KCNIP3: variants seen among roughly 807,000 people sequenced by gnomAD.
KCNIP3 encodes the protein potassium voltage-gated channel interacting protein 3.
In KCNIP3, 28 loss-of-function variants were observed where a neutral mutation model predicts 35.0. The observed-to-expected ratio is 0.80, with a 90% confidence interval of 0.59 to 1.10. The LOEUF is 1.10. KCNIP3 is among the 50% of genes least tolerant of loss of function. The probability of loss-of-function intolerance (pLI) is 0.00; values close to 1 mark genes in which losing one functional copy is unlikely to be tolerated. For missense variants in KCNIP3, 295 were observed against 338.4 expected (o/e 0.87, Z 1.01); for synonymous variants, 134 against 133.8 (o/e 1.00, Z -0.01).
intron 5 of KCNIP3, among the ~76,000 whole-genome samples, chr2:95,380,064 G>T (rs1558780239): frequency 1.3e-5 from 2 of 152,144 alleles, no homozygotes; most frequent in South Asian, 4.1e-4. Context: ...CCCCTCTGGA[G>T]TGCAACTCTC....
chr2:95,312,336 G>T (rs1678341059), intron 2 of KCNIP3: 1 of 152,380 alleles, frequency 6.6e-6, no homozygotes, highest in Admixed American at 6.5e-5. Flanking sequence ...GGGGAGAAAG[G>T]TGACAGAGGG....
intron 2 of KCNIP3, among the ~76,000 whole-genome samples, chr2:95,363,939 T>A (rs1679859271): frequency 6.6e-6 from 1 of 152,232 alleles, no homozygotes; most frequent in African/African-American, 2.4e-5. Flanking sequence ...ATTCTTTTAG[T>A]CCCTCTGGGG....
At chr2:95,379,935 C>A (rs951032598) in intron 5 of KCNIP3, among the ~76,000 whole-genome samples, 3 of 152,182 alleles carry the variant, frequency 2.0e-5, no homozygotes, top group Admixed American at 2.0e-4. Context: ...TTGTGCCAAG[C>A]CTTGGTGGAC....
chr2:95,311,135 G>T (rs1192753921), intron 2 of KCNIP3: 1 of 159,126 alleles, frequency 6.3e-6, no homozygotes, highest in African/African-American at 2.4e-5. Context: ...GTATAACAGG[G>T]CTGAACAGAC....
intron 2 of KCNIP3, among the ~76,000 whole-genome samples, chr2:95,329,409 G>A (rs1006266986): frequency 1.4e-4 from 22 of 152,246 alleles, no homozygotes; most frequent in African/African-American, 5.1e-4. Context: ...CAGGCCAACA[G>A]GACTGGCATT....
At chr2:95,321,295 A>G (rs977125506) in intron 2 of KCNIP3, among the ~76,000 whole-genome samples, 13 of 152,146 alleles carry the variant, frequency 8.5e-5, no homozygotes, top group Non-Finnish European at 1.5e-4. Flanking sequence ...ACTTCTCTCA[A>G]ACTCAACAGG....
At chr2:95,315,538 C>T (rs1238693522) in intron 2 of KCNIP3, among the ~76,000 whole-genome samples, 1 of 152,178 alleles carries the variant, frequency 6.6e-6, no homozygotes, top group Non-Finnish European at 1.5e-5. Flanking sequence ...CTCCACCTCC[C>T]TGACCCCTGA....
At chr2:95,368,170 G>A (rs532709447) in intron 2 of KCNIP3, among the ~76,000 whole-genome samples, 5 of 152,188 alleles carry the variant, frequency 3.3e-5, no homozygotes, top group African/African-American at 4.8e-5. Context: ...CTACTTCCAT[G>A]CTAAGGATAA....
At position 95,346,944 on chromosome 2, in the gene KCNIP3, G is replaced by T. The variant is rs931763182; in HGVS notation, c.182-27352G>T. 69 of 1,022,322 alleles carry T rather than the reference G, an allele frequency of 6.7e-5. No individual in the cohort carries two copies. The African/African-American group carries it at 1.1e-3, about 16-fold the overall frequency. The allele number at this position is 1,022,322 out of a possible 1,614,324, so 63.3% of individuals were successfully genotyped here. Reference sequence around the variant, plus strand: ...CCCGAGAGGCCGTGCGGGCTGCAGGGGCCCCGGTGCCTCCGAGGCAGCGCG... The same window carrying T: ...CCCGAGAGGCCGTGCGGGCTGCAGGTGCCCCGGTGCCTCCGAGGCAGCGCG... On this transcript the variant is annotated intron_variant, in intron 2 of 8. Coordinates refer to ENST00000295225, the MANE Select transcript of KCNIP3 (RefSeq NM_013434.5).
intron 2 of KCNIP3, among the ~76,000 whole-genome samples, chr2:95,329,992 C>T (rs1573494861): frequency 6.6e-6 from 1 of 152,240 alleles, no homozygotes; most frequent in African/African-American, 2.4e-5. Context: ...ATTTCTGCTG[C>T]AGATCCTGGC....
intron 2 of KCNIP3, among the ~76,000 whole-genome samples, chr2:95,365,460 C>T (rs1303505479): frequency 2.6e-5 from 4 of 152,152 alleles, no homozygotes; most frequent in Non-Finnish European, 5.9e-5. Context: ...CCGCACTTGG[C>T]CCCTTATGTC....
At chr2:95,351,191 G>T (rs1374615093) in intron 2 of KCNIP3, among the ~76,000 whole-genome samples, 1 of 152,274 alleles carries the variant, frequency 6.6e-6, no homozygotes, top group Non-Finnish European at 1.5e-5. Context: ...CCCTGGCCAG[G>T]GGTGGACCTC....
rs1477644022 is a variant in KCNIP3, at chr2:95,356,566, T to G, written c.182-17730T>G. The stretch of plus-strand genomic sequence containing the variant: ...GGATCCAGTTTCAGCTTTCTACATA[T>G]GGCTAGCCAGTTTTCCCAGCACCAT... On this transcript the variant is annotated intron_variant, in intron 2 of 8. Transcript: ENST00000295225. 2.6e-5 allele frequency among the ~76,000 whole-genome samples: 4 copies of G among 152,366 alleles called. No individual in the cohort carries two copies. In the East Asian group the frequency reaches 7.7e-4, roughly 29 times the overall value.
intron 2 of KCNIP3, among the ~76,000 whole-genome samples, chr2:95,358,463 C>T (rs1679711889): frequency 6.6e-6 from 1 of 152,198 alleles, no homozygotes; most frequent in Non-Finnish European, 1.5e-5. Context: ...AGTCCTCATG[C>T]TTTTACTCCT....
chr2:95,361,034 G>A (rs1438425812), intron 2 of KCNIP3, among the ~76,000 whole-genome samples: 1 of 152,216 alleles, frequency 6.6e-6, no homozygotes, highest in Admixed American at 6.5e-5. Flanking sequence ...GGTAGAAAGG[G>A]AAATGGCTGA....
At position 95,358,906 on chromosome 2, in the gene KCNIP3, GA is replaced by G. The variant is rs575040527; in HGVS notation, c.182-15389del. 1.6e-3 allele frequency among the ~76,000 whole-genome samples: 249 copies of G among 152,312 alleles called. 1 individual carries two copies. Among genetic ancestry groups the G allele is most frequent in the African/African-American group, 5.9e-3 (244 of 41,554 alleles). ...CTAGCTACGTGGAAGGCTGAGGTAG[GA>G]GGATCACTTGAGATCAGGAGTTGGA... On this transcript the variant is annotated intron_variant, in intron 2 of 8. Coordinates refer to ENST00000295225, the MANE Select transcript of KCNIP3 (RefSeq NM_013434.5).
intron 2 of KCNIP3, chr2:95,313,734 G>C (rs1678379692): frequency 6.6e-6 from 1 of 152,158 alleles, no homozygotes. Context: ...AACCGAAACA[G>C]GGTGGGCTCC....
chr2:95,347,131 T>C (rs572715463), intron 2 of KCNIP3: 2 of 1,605,918 alleles, frequency 1.2e-6, no homozygotes, highest in African/African-American at 1.3e-5. Context: ...AGGTAACGCG[T>C]GGCCACTTGC....
chr2:95,334,565 T>C (rs192348388), intron 2 of KCNIP3, among the ~76,000 whole-genome samples: 84 of 152,216 alleles, frequency 5.5e-4, no homozygotes, highest in Non-Finnish European at 7.2e-4. Context: ...CAAACCAACA[T>C]GGTGGGCCTT....
Sources: allele counts gnomAD v4.1 joint callset (sites outside exome capture counted in the v4.1 genomes callset), GRCh38; gene constraint gnomAD v4.1.1; transcripts MANE v1.5; gene names NCBI Gene and HGNC (gene_info 2026-07-23, HGNC 2026-07-21).